The following ARNT2 variants were observed in gnomAD, a reference collection of about 807,000 sequenced individuals.
ARNT2 encodes the protein aryl hydrocarbon receptor nuclear translocator 2.
ARNT2 carries 36 observed loss-of-function variants against 91.7 expected under a neutral mutation model. The observed-to-expected ratio is 0.39, with a 90% CI of 0.30 to 0.52. The LOEUF (loss-of-function observed/expected upper bound fraction) is 0.52. ARNT2 is among the 20% of genes least tolerant of loss of function. The probability of loss-of-function intolerance (pLI) is 0.72; values close to 1 mark genes in which losing one functional copy is unlikely to be tolerated. For missense variants in ARNT2, 775 were observed against 939.3 expected, an observed-to-expected ratio of 0.83 and a Z score of 2.29; for synonymous variants, 365 against 347.1, an observed-to-expected ratio of 1.05 and a Z score of -0.57.
intron 1 of ARNT2, among the ~76,000 whole-genome samples, chr15:80,407,650 G>T (rs1895619569): frequency 6.6e-6 from 1 of 152,072 alleles, no homozygotes; most frequent in Non-Finnish European, 1.5e-5. Flanking sequence ...CTCTGGCCAG[G>T]AATGACATAT....
chr15:80,497,917 C>T (rs950199047), intron 5 of ARNT2, among the ~76,000 whole-genome samples: 3 of 152,288 alleles, frequency 2.0e-5, no homozygotes, highest in South Asian at 4.1e-4. Flanking sequence ...TAATACACTT[C>T]GTGTTGTGAT....
chr15:80,505,705 C>T (rs1897263295), intron 5 of ARNT2, among the ~76,000 whole-genome samples: 1 of 152,130 alleles, frequency 6.6e-6, no homozygotes, highest in African/African-American at 2.4e-5. Context: ...AGTCTATGCT[C>T]TTACCTACTA....
intron 1 of ARNT2, among the ~76,000 whole-genome samples, chr15:80,448,253 A>G (rs1595967129): frequency 6.6e-6 from 1 of 152,360 alleles, no homozygotes; most frequent in South Asian, 2.1e-4. Flanking sequence ...TCTGACTGCA[A>G]GGTAGTGACT....
chr15:80,538,861 AAAAT>A (rs1233067492), intron 8 of ARNT2, among the ~76,000 whole-genome samples: 1 of 152,140 alleles, frequency 6.6e-6, no homozygotes, highest in East Asian at 1.9e-4. Context: ...AAAAAGAATG[AAAAT>A]AAATGAATAT....
At chr15:80,415,505 C>T (rs759052153) in intron 1 of ARNT2, among the ~76,000 whole-genome samples, 37 of 151,956 alleles carry the variant, frequency 2.4e-4, no homozygotes, top group Non-Finnish European at 4.6e-4. Context: ...TGAGTGGGGG[C>T]GTGATGTGAT....
chr15:80,471,973 G>A (rs1393224139), intron 4 of ARNT2, among the ~76,000 whole-genome samples: 1 of 151,774 alleles, frequency 6.6e-6, no homozygotes, highest in Non-Finnish European at 1.5e-5. Flanking sequence ...CATAGGGCAA[G>A]TTGGCAAATA....
intron 1 of ARNT2, among the ~76,000 whole-genome samples, chr15:80,441,574 T>G (rs1305218705): frequency 6.6e-6 from 1 of 152,248 alleles, no homozygotes; most frequent in East Asian, 1.9e-4. Flanking sequence ...AGTTTGCATG[T>G]AATTGATTTT....
intron 5 of ARNT2, among the ~76,000 whole-genome samples, chr15:80,481,830 C>G (rs1896895040): frequency 1.3e-5 from 2 of 152,198 alleles, no homozygotes; most frequent in South Asian, 4.1e-4. Flanking sequence ...AACTTCTGGC[C>G]TCAAGCAGTC....
At chr15:80,420,023 C>T (rs1217053980) in intron 1 of ARNT2, among the ~76,000 whole-genome samples, 5 of 152,112 alleles carry the variant, frequency 3.3e-5, no homozygotes, top group Admixed American at 1.3e-4. Flanking sequence ...TCACAGCACC[C>T]GCACCTCCCT....
chr15:80,520,645 G>C (rs1897528518), intron 8 of ARNT2, among the ~76,000 whole-genome samples: 1 of 152,046 alleles, frequency 6.6e-6, no homozygotes, highest in Non-Finnish European at 1.5e-5. Flanking sequence ...TTACTACCTT[G>C]ATTGTGGAGA....
At position 80,591,184 on chromosome 15, in the gene ARNT2, AC is replaced by A. The variant is rs1169880667; in HGVS notation, c.1919-381del. Among the ~76,000 whole-genome samples the A allele has an allele frequency of 6.6e-6, 1 of 151,974 alleles. No individual in the cohort carries two copies. Among genetic ancestry groups the A allele is most frequent in the Non-Finnish European group, 1.5e-5 (1 of 67,986 alleles). On this transcript the variant is annotated intron_variant, in intron 17 of 18. Transcript: ENST00000303329. The surrounding 1 kb of genome is among the most constrained non-coding windows in gnomAD (Gnocchi z 5.1). ...GCCAACACCATACTGCTGAGGACAG[AC>A]CCTCTCTCAGCCCACACTCTGCATG...
chr15:80,529,514 T>A (rs1897701319), intron 8 of ARNT2, among the ~76,000 whole-genome samples: 1 of 152,028 alleles, frequency 6.6e-6, no homozygotes, highest in African/African-American at 2.4e-5. Flanking sequence ...TCTTTTCTTT[T>A]TTTTTTTTCA....
At chr15:80,439,364 C>A (rs1199374600) in intron 1 of ARNT2, among the ~76,000 whole-genome samples, 2 of 152,120 alleles carry the variant, frequency 1.3e-5, no homozygotes, top group Non-Finnish European at 2.9e-5. Flanking sequence ...AATGATCTTG[C>A]AATAGGTATT....
intron 8 of ARNT2, among the ~76,000 whole-genome samples, chr15:80,550,847 A>G (rs1898069264): frequency 6.6e-6 from 1 of 152,248 alleles, no homozygotes; most frequent in African/African-American, 2.4e-5. Context: ...GATAAGAGAG[A>G]TATTTACATA....
chr15:80,513,914 T>A lies in ARNT2; in HGVS notation c.729T>A (p.Cys243Ter), dbSNP rs776832408. The change falls in exon 7 of 19, where the codon TGT becomes TGA. Residue 243 changes from cysteine to a stop codon, truncating the protein, a stop_gained. Coordinates refer to ENST00000303329, the MANE Select transcript of ARNT2 (RefSeq NM_014862.4). LOFTEE classifies it high-confidence loss of function. ...SRRSFICRMR[C>*]GNAPLDHLPL... ...TAATACACTTGTCACATCTTAGGTG[T>A]GGAAATGCTCCTTTGGACCACCTTC... is the stretch of plus-strand genomic sequence containing the variant. The A allele has an allele frequency of 3.7e-6, 6 of 1,612,856 alleles. No homozygotes were observed. The highest frequency in any genetic ancestry group is 8.5e-7 in the Non-Finnish European group (1 of 1,178,998).
At chr15:80,471,387 G>T (rs928731138) in intron 4 of ARNT2, among the ~76,000 whole-genome samples, 1 of 152,194 alleles carries the variant, frequency 6.6e-6, no homozygotes, top group Admixed American at 6.5e-5. Context: ...GAGGATGGAG[G>T]TTGGGAGGAG....
In ARNT2 at chr15:80,404,476, CG is replaced by C; in HGVS notation, c.-39del. 1 of 1,214,118 alleles carries C rather than the reference CG, an allele frequency of 8.2e-7. No individual in the cohort carries two copies. The highest frequency in any genetic ancestry group is 1.0e-6 in the Non-Finnish European group (1 of 957,398). The allele number at this position is 1,214,118 out of a possible 1,614,324, so 75.2% of individuals were successfully genotyped here. ...GCGCCGGGCTCCGCGCCGCCCCTCC[CG>C]CGCCCCTGCCAAGCGGGCGCCTATC... On this transcript the variant is annotated 5_prime_UTR_variant, in exon 1 of 19. Coordinates refer to ENST00000303329, the MANE Select transcript of ARNT2 (RefSeq NM_014862.4). The surrounding 1 kb of genome is among the most constrained non-coding windows in gnomAD (Gnocchi z 5.5).
chr15:80,459,728 G>A (rs8041887), intron 3 of ARNT2, among the ~76,000 whole-genome samples: 68,276 of 152,006 alleles, frequency 0.45, 15,323 homozygotes, highest in South Asian at 0.47. Context: ...CTGTGAGTCC[G>A]TTTTTATACA....
intron 12 of ARNT2, among the ~76,000 whole-genome samples, chr15:80,567,429 C>T (rs973443646): frequency 6.6e-6 from 1 of 152,178 alleles, no homozygotes; most frequent in Non-Finnish European, 1.5e-5. Flanking sequence ...AAGACTTGAG[C>T]TCCCATAACG....
Sources: gnomAD v4.1 joint callset for allele counts (sites outside exome capture counted in the v4.1 genomes callset) on GRCh38, gnomAD v4.1.1 for gene constraint, Gnocchi (gnomAD v3.1) non-coding constraint, MANE v1.5 for transcripts, NCBI Gene and HGNC (gene_info 2026-07-23, HGNC 2026-07-21) for gene names.